Variants in FGF2 observed in about 807,000 individuals in gnomAD.
FGF2 encodes the protein fibroblast growth factor 2.
FGF2 carries 13 observed loss-of-function variants against 15.9 expected under a neutral mutation model. The observed-to-expected ratio is 0.82, with a 90% confidence interval of 0.53 to 1.30. The LOEUF is 1.30. FGF2 is among the 50% of genes most tolerant of loss of function. The pLI is 0.00. For synonymous variants in FGF2, 90 were observed against 78.4 expected, an observed-to-expected ratio of 1.15 and a Z score of -0.78; for missense variants, 163 against 196.9, an observed-to-expected ratio of 0.83 and a Z score of 1.03.
intron 1 of FGF2, among the ~76,000 whole-genome samples, chr4:122,874,952 T>G (rs17006244): frequency 0.16 from 24,108 of 152,150 alleles, 2,418 homozygotes; most frequent in East Asian, 0.45. Flanking sequence ...ATCCATAGGA[T>G]GTGGGATGAC....
intron 1 of FGF2, among the ~76,000 whole-genome samples, chr4:122,831,352 A>C (rs978599632): frequency 6.6e-6 from 1 of 151,986 alleles, no homozygotes; most frequent in Non-Finnish European, 1.5e-5. Context: ...AAGAGTTCTT[A>C]CTAGTTTACG....
At chr4:122,842,697 T>C (rs1398056077) in intron 1 of FGF2, among the ~76,000 whole-genome samples, 12 of 152,202 alleles carry the variant, frequency 7.9e-5, no homozygotes, top group African/African-American at 2.9e-4. Context: ...TGCTTTTCCT[T>C]AGCAGCCAGC....
At chr4:122,836,962 G>A (rs1234997886) in intron 1 of FGF2, among the ~76,000 whole-genome samples, 5 of 152,120 alleles carry the variant, frequency 3.3e-5, no homozygotes, top group Non-Finnish European at 5.9e-5. Flanking sequence ...ATTAAGGAAC[G>A]CAGACCTGGG....
chr4:122,858,197 G>A (rs1726378277), intron 1 of FGF2, among the ~76,000 whole-genome samples: 2 of 152,032 alleles, frequency 1.3e-5, no homozygotes, highest in Non-Finnish European at 2.9e-5. Flanking sequence ...GGAATGTGTG[G>A]TTTTGGGCTT....
chr4:122,862,192 G>A (rs1374640745), intron 1 of FGF2, among the ~76,000 whole-genome samples: 1 of 152,158 alleles, frequency 6.6e-6, no homozygotes, highest in Non-Finnish European at 1.5e-5. Context: ...ATGAGTAAAT[G>A]TATTCACCAT....
chr4:122,876,512 A>T, intron 2 of FGF2, 88 bp downstream of exon 2: 1 of 855,822 alleles, frequency 1.2e-6, no homozygotes, highest in Non-Finnish European at 2.0e-6. Context: ...ATCTTTATAA[A>T]GGATTTTACG....
intron 1 of FGF2, among the ~76,000 whole-genome samples, chr4:122,858,332 A>G (rs1001986764): frequency 6.6e-6 from 1 of 152,040 alleles, no homozygotes; most frequent in Non-Finnish European, 1.5e-5. Context: ...TGGGTACTCC[A>G]TATACATGTA....
rs539098985 is a variant in FGF2, at chr4:122,854,073, A to T, written c.179-22248A>T. On this transcript the variant is annotated intron_variant, in intron 1 of 2. Coordinates refer to ENST00000644866, the MANE Select transcript of FGF2 (RefSeq NM_001361665.2). ...TTCTTCTGTAGATAGAGCATAGAAGATATACTAGGAACATGGGGAAAAGCC... is the reference window on the plus strand; with the variant it reads ...TTCTTCTGTAGATAGAGCATAGAAGTTATACTAGGAACATGGGGAAAAGCC... Among the ~76,000 whole-genome samples, 12 of 152,264 alleles carry T rather than the reference A, an allele frequency of 7.9e-5. No individual in the cohort carries two copies. In the South Asian group the frequency reaches 2.5e-3, roughly 32 times the overall value.
At chr4:122,891,735 T>C (rs1727194966) in intron 2 of FGF2, among the ~76,000 whole-genome samples, 1 of 150,526 alleles carries the variant, frequency 6.6e-6, no homozygotes, top group Non-Finnish European at 1.5e-5. Flanking sequence ...TCCTTCTGTA[T>C]GGAAAGATTA....
intron 1 of FGF2, among the ~76,000 whole-genome samples, chr4:122,868,090 G>A (rs989768861): frequency 3.3e-5 from 5 of 151,936 alleles, no homozygotes; most frequent in African/African-American, 9.7e-5. Flanking sequence ...GTGGTGTGTT[G>A]GACATTTATA....
intron 1 of FGF2, among the ~76,000 whole-genome samples, chr4:122,873,499 G>C (rs1726779614): frequency 6.6e-6 from 1 of 152,222 alleles, no homozygotes; most frequent in Non-Finnish European, 1.5e-5. Context: ...CCTCACATCA[G>C]CAGCTAATAA....
chr4:122,892,851 TA>T lies in FGF2; in HGVS notation c.*456del. 6.2e-7 allele frequency: 1 copy of T among 1,606,144 alleles called. No individual in the cohort carries two copies. The highest frequency in any genetic ancestry group is 8.5e-7 in the Non-Finnish European group (1 of 1,175,530). Reference sequence around the variant, plus strand: ...ATTTAATCAATTCCTTTCATAGTTTTATAATTCTCTGGCAGTTCCTTATGAT... The same window carrying T: ...ATTTAATCAATTCCTTTCATAGTTTTTAATTCTCTGGCAGTTCCTTATGAT... On this transcript the variant is annotated 3_prime_UTR_variant, in exon 3 of 3. Transcript: ENST00000644866.
intron 2 of FGF2, 45 bp from the exon 3 acceptor site, chr4:122,892,160 GTAATAA>G (rs767508880): frequency 1.4e-6 from 2 of 1,385,072 alleles, no homozygotes; most frequent in South Asian, 2.4e-5. Context: ...TATGAAAAGT[GTAATAA>G]TAATAATGAT....
intron 2 of FGF2, among the ~76,000 whole-genome samples, chr4:122,891,816 G>A (rs1727197116): frequency 6.6e-6 from 1 of 152,166 alleles, no homozygotes; most frequent in African/African-American, 2.4e-5. Flanking sequence ...CCTACCTTGG[G>A]ACTGGGAAGA....
chr4:122,892,991 A>T lies in FGF2; in HGVS notation c.*595A>T. On this transcript the variant is annotated 3_prime_UTR_variant, in exon 3 of 3. Transcript: ENST00000644866. Reference sequence around the variant, plus strand: ...CAGCAGCCTAGCAACTCTGCTGGTGATGGGAGTTGTATTTTCAGTCTTCGC... The same window carrying T: ...CAGCAGCCTAGCAACTCTGCTGGTGTTGGGAGTTGTATTTTCAGTCTTCGC... The T allele has an allele frequency of 6.2e-7, 1 of 1,614,092 alleles. No individual in the cohort carries two copies. The highest frequency in any genetic ancestry group is 8.5e-7 in the Non-Finnish European group (1 of 1,180,030).
intron 1 of FGF2, among the ~76,000 whole-genome samples, chr4:122,864,348 T>G (rs1726530173): frequency 6.6e-6 from 1 of 152,222 alleles, no homozygotes; most frequent in Admixed American, 6.5e-5. Context: ...CTGTTGTGTG[T>G]CGGGCAGTGT....
At chr4:122,874,375 A>G (rs2150783091) in intron 1 of FGF2, among the ~76,000 whole-genome samples, 1 of 152,294 alleles carries the variant, frequency 6.6e-6, no homozygotes, top group South Asian at 2.1e-4. Flanking sequence ...TTATCTTTTA[A>G]GATTTTGTAG....
At chr4:122,828,495 T>A (rs1725695380) in intron 1 of FGF2, among the ~76,000 whole-genome samples, 1 of 152,164 alleles carries the variant, frequency 6.6e-6, no homozygotes, top group Non-Finnish European at 1.5e-5. Flanking sequence ...TCTCATTGCC[T>A]GAGAAAAGAC....
At chr4:122,888,423 T>C (rs1402597157) in intron 2 of FGF2, among the ~76,000 whole-genome samples, 1 of 152,236 alleles carries the variant, frequency 6.6e-6, no homozygotes, top group African/African-American at 2.4e-5. Context: ...CAGATCATGT[T>C]ATTTTTCTGC....
Sources: allele counts gnomAD v4.1 joint callset (sites outside exome capture counted in the v4.1 genomes callset), GRCh38; gene constraint gnomAD v4.1.1; transcripts MANE v1.5; gene names NCBI Gene and HGNC (gene_info 2026-07-23, HGNC 2026-07-21).